FAM149A: variants seen among roughly 807,000 people sequenced by gnomAD.
FAM149A encodes protein FAM149A.
FAM149A carries 71 observed loss-of-function variants against 78.2 expected under a neutral mutation model. The ratio of observed to expected loss-of-function variants is 0.91; its 90% CI spans 0.75 to 1.11. The LOEUF is 1.11. Among genes scored for constraint, FAM149A ranks in the 50% least tolerant of loss-of-function variants. FAM149A has a pLI of 0.00. For missense variants in FAM149A, 1,036 were observed against 971.0 expected (o/e 1.07, Z -0.89); for synonymous variants, 446 against 410.5 (o/e 1.09, Z -1.04).
At chr4:186,166,895 C>T in intron 11 of FAM149A, 73 bp from the exon 12 acceptor site, 5 of 1,457,912 alleles carry the variant, frequency 3.4e-6, no homozygotes, top group Non-Finnish European at 4.8e-6. Context: ...AACGATTGAG[C>T]ATGTCGAGAT....
rs530455279 is a variant in FAM149A, at chr4:186,122,820, C to T, written c.566+17178C>T. On this transcript the variant is annotated intron_variant, in intron 1 of 13. Coordinates refer to ENST00000389354, the MANE Select transcript of FAM149A (RefSeq NM_001367768.3). ...ATATCTAAATGATGAAACAAAAGAT[C>T]GTAAGTAAATTCTTGCCTCCTTTTT... 2.9e-5 allele frequency: 19 copies of T among 664,228 alleles called. No individual in the cohort carries two copies. The East Asian group carries it at 1.3e-3, about 45-fold the overall frequency. 41.1% of individuals were successfully genotyped at this position (664,228 alleles called of 1,614,324 possible). A position where few individuals can be genotyped will look rare whatever the true frequency, so the allele number is the denominator to read the frequency against.
chr4:186,137,840 G>A (rs2099324137), intron 1 of FAM149A, among the ~76,000 whole-genome samples: 1 of 151,016 alleles, frequency 6.6e-6, no homozygotes, highest in African/African-American at 2.4e-5. Flanking sequence ...CACCACTTAG[G>A]TAATTTTTAA....
In FAM149A at chr4:186,171,930, T is replaced by C. The variant is rs182668865; in HGVS notation, c.2235T>C (p.Pro745=). 1.9e-6 allele frequency: 3 copies of C among 1,611,366 alleles called. No individual in the cohort carries two copies. The highest frequency in any genetic ancestry group is 2.7e-5 in the African/African-American group (2 of 74,928). Residue 745 remains proline, a synonymous_variant, in exon 14 of 14, where the codon CCT becomes CCC. Coordinates refer to ENST00000389354, the MANE Select transcript of FAM149A (RefSeq NM_001367768.3). ...TGTTTCCAGGTTCACAATATGTGCC[T>C]AAATCTTTTCAGAGGACAACTTTGA... is the stretch of plus-strand genomic sequence containing the variant.
At chr4:186,158,984 G>A (rs1308451116) in intron 8 of FAM149A, 1 of 193,828 alleles carries the variant, frequency 5.2e-6, no homozygotes, top group East Asian at 1.9e-4. Context: ...TTACCACATG[G>A]CACTGCTCTG....
intron 1 of FAM149A, chr4:186,132,209 A>G: frequency 2.0e-6 from 2 of 985,462 alleles, no homozygotes; most frequent in Non-Finnish European, 2.4e-6. Context: ...TGTTTTCTAT[A>G]TCTGAAAAGT....
Position 186,157,689 on chromosome 4 carries a change from C to T in FAM149A, c.1545C>T (p.Ile515=), listed in dbSNP as rs757956185. Reference sequence around the variant, plus strand: ...CCGGACACGCCGAGGCTCACGGCATCTCCCTGGCTTCTCGTCTGAACCCGC... The same window carrying T: ...CCGGACACGCCGAGGCTCACGGCATTTCCCTGGCTTCTCGTCTGAACCCGC... Residue 515 remains isoleucine, a synonymous_variant, in exon 8 of 14, where the codon ATC becomes ATT. Coordinates refer to ENST00000389354, the MANE Select transcript of FAM149A (RefSeq NM_001367768.3). The T allele has an allele frequency of 2.5e-6, 4 of 1,613,058 alleles. No individual in the cohort carries two copies. The Admixed American group carries it at 6.7e-5, about 27-fold the overall frequency.
At chr4:186,161,593 T>C (rs1734613067) in intron 8 of FAM149A, among the ~76,000 whole-genome samples, 1 of 152,232 alleles carries the variant, frequency 6.6e-6, no homozygotes, top group South Asian at 2.1e-4. Context: ...GGATGAGCCT[T>C]TAAATATCAG....
chr4:186,165,330 A>G lies in FAM149A; in HGVS notation c.1890-14A>G, dbSNP rs371226293. The G allele has an allele frequency of 1.6e-4, 254 of 1,614,006 alleles. No homozygotes were observed. Among genetic ancestry groups the G allele is most frequent in the Non-Finnish European group, 2.1e-4 (250 of 1,179,996 alleles). ...ATGTACCTGGGTGCTCAGTGACATGATGATGTGTTGCAGGCCGACTGGCGT... is the reference window on the plus strand; with the variant it reads ...ATGTACCTGGGTGCTCAGTGACATGGTGATGTGTTGCAGGCCGACTGGCGT... On this transcript the variant is annotated splice_polypyrimidine_tract_variant and intron_variant, in intron 10 of 13. Coordinates refer to ENST00000389354, the MANE Select transcript of FAM149A (RefSeq NM_001367768.3).
intron 1 of FAM149A, chr4:186,130,133 A>C (rs537516063): frequency 6.6e-6 from 1 of 152,186 alleles, no homozygotes; most frequent in South Asian, 2.1e-4. Context: ...GTGGTAGCCA[A>C]GATTGAATGG....
At chr4:186,111,728 G>C (rs1030450341) in intron 1 of FAM149A, among the ~76,000 whole-genome samples, 13 of 151,302 alleles carry the variant, frequency 8.6e-5, no homozygotes, top group African/African-American at 4.9e-5. Flanking sequence ...TTATTTCTGA[G>C]GGCTCTGTTC....
chr4:186,145,026 G>A (rs1242805314), intron 1 of FAM149A: 7 of 981,284 alleles, frequency 7.1e-6, no homozygotes, highest in African/African-American at 5.3e-5. Flanking sequence ...GGGCCCGCGC[G>A]CGGTGCCTCT....
chr4:186,117,368 A>G, intron 1 of FAM149A: 2 of 930,334 alleles, frequency 2.1e-6, no homozygotes, highest in Non-Finnish European at 2.6e-6. Context: ...AGAACTGGAA[A>G]TGGATCTTAT....
intron 1 of FAM149A, among the ~76,000 whole-genome samples, chr4:186,121,720 AGT>A (rs768795446): frequency 6.6e-6 from 1 of 152,182 alleles, no homozygotes; most frequent in Non-Finnish European, 1.5e-5. Flanking sequence ...GAAAACGATG[AGT>A]GTGGTGCTGC....
chr4:186,150,963 G>T (rs561562396), intron 3 of FAM149A: 4 of 871,600 alleles, frequency 4.6e-6, no homozygotes, highest in Non-Finnish European at 5.5e-6. Context: ...GTTGTGATCC[G>T]CCTGCCTGGG....
chr4:186,123,317 A>G, intron 1 of FAM149A: 2 of 985,396 alleles, frequency 2.0e-6, no homozygotes, highest in Middle Eastern at 5.2e-4. Flanking sequence ...AGATTTCTCT[A>G]GTCATTGCAA....
rs761983457 is a variant in FAM149A at position 186,144,728 on chromosome 4, C to CCGGGG, written c.567-4443_567-4439dup. On this transcript the variant is annotated intron_variant, in intron 1 of 13. Coordinates refer to ENST00000389354, the MANE Select transcript of FAM149A (RefSeq NM_001367768.3). This position sits in a 1 kb window ranked among gnomAD's most constrained non-coding sequence, Gnocchi z 4.2. ...CGCTTTCCCGGAGGTCGGCGCGGGGCCGGGGCCGGGGCCGGGGCCCGGAGC... is the reference window on the plus strand; with the variant it reads ...CGCTTTCCCGGAGGTCGGCGCGGGGCCGGGGCGGGGCCGGGGCCGGGGCCCGGAGC... 3.9e-6 allele frequency: 1 copy of CCGGGG among 255,138 alleles called. No homozygotes were observed. The highest frequency in any genetic ancestry group is 2.6e-4 in the East Asian group (1 of 3,912). 15.8% of individuals were successfully genotyped at this position (255,138 alleles called of 1,614,324 possible).
chr4:186,111,848 C>A (rs1470902099), intron 1 of FAM149A, among the ~76,000 whole-genome samples: 1 of 151,506 alleles, frequency 6.6e-6, no homozygotes, highest in African/African-American at 2.4e-5. Flanking sequence ...CAGCTTTGTT[C>A]TTTTGGCTTA....
In FAM149A at chr4:186,174,610, A is replaced by G. The variant is rs887499263; in HGVS notation, c.*2623A>G. ...TTATTTATATATATATATTGGTAAA[A>G]GACAAAATATTTTTTAAAAAGTGAT... On this transcript the variant is annotated 3_prime_UTR_variant, in exon 14 of 14. Transcript: ENST00000389354. Among the ~76,000 whole-genome samples the G allele has an allele frequency of 9.0e-6, 1 of 111,052 alleles. No individual in the cohort carries two copies. The highest frequency in any genetic ancestry group is 2.8e-5 in the African/African-American group (1 of 35,542). 72.9% of individuals were successfully genotyped at this position (111,052 alleles called of 152,430 possible). A position where few individuals can be genotyped will look rare whatever the true frequency, so the allele number is the denominator to read the frequency against.
At chr4:186,133,830 A>C (rs940886292) in intron 1 of FAM149A, among the ~76,000 whole-genome samples, 2 of 151,844 alleles carry the variant, frequency 1.3e-5, no homozygotes, top group Non-Finnish European at 2.9e-5. Flanking sequence ...CTACTTTTTA[A>C]ATTTTCTGTA....
Sources: allele counts gnomAD v4.1 joint callset (sites outside exome capture counted in the v4.1 genomes callset), GRCh38; gene constraint gnomAD v4.1.1; non-coding constraint Gnocchi (gnomAD v3.1); transcripts MANE v1.5; gene names NCBI Gene and HGNC (gene_info 2026-07-23, HGNC 2026-07-21).